Variants in TRDMT1 observed in about 807,000 individuals in gnomAD.
The protein encoded by TRDMT1 is tRNA (cytosine(38)-C(5))-methyltransferase.
A neutral mutation model predicts 51.2 loss-of-function variants in TRDMT1; 49 were observed. The ratio of observed to expected loss-of-function variants is 0.96; its 90% CI spans 0.76 to 1.21. The LOEUF is 1.21. TRDMT1 is among the 50% of genes most tolerant of loss of function. TRDMT1 has a pLI of 0.00. For synonymous variants in TRDMT1, 187 were observed against 164.6 expected, an observed-to-expected ratio of 1.14 and a Z score of -1.04; for missense variants, 534 against 462.3, an observed-to-expected ratio of 1.16 and a Z score of -1.42.
In TRDMT1 at chr10:17,138,780, T is replaced by A. The variant is rs1005297156; in HGVS notation, c.*10260A>T. Among the ~76,000 whole-genome samples the A allele has an allele frequency of 4.6e-5, 7 of 152,014 alleles. No homozygotes were observed. The East Asian group carries it at 9.7e-4, about 21-fold the overall frequency. On this transcript the variant is annotated 3_prime_UTR_variant, in exon 11 of 11. Transcript: ENST00000377799. ...TTCAAGTTTTTTTTTTTAAGTAATA[T>A]AATCCCTTCATAAACAATGAGAAAA...
Position 17,142,288 on chromosome 10 carries a change from A to G in TRDMT1, c.*6752T>C, listed in dbSNP as rs1483023856. 6.6e-6 allele frequency: 1 copy of G among 152,052 alleles called. No individual in the cohort carries two copies. Among genetic ancestry groups the G allele is most frequent in the Non-Finnish European group, 1.5e-5 (1 of 68,014 alleles). 9.4% of individuals were successfully genotyped at this position (152,052 alleles called of 1,614,324 possible). On this transcript the variant is annotated 3_prime_UTR_variant, in exon 11 of 11. Coordinates refer to ENST00000377799, the MANE Select transcript of TRDMT1 (RefSeq NM_004412.7). ...TTTATTTTTAGTAGGCAGTCACTCCATTTGTGTTTAGCATGCAAGCCCTGG... is the reference window on the plus strand; with the variant it reads ...TTTATTTTTAGTAGGCAGTCACTCCGTTTGTGTTTAGCATGCAAGCCCTGG...
chr10:17,177,769 CCTTT>C (rs1842794044), intron 1 of TRDMT1, among the ~76,000 whole-genome samples: 1 of 146,900 alleles, frequency 6.8e-6, no homozygotes, highest in South Asian at 2.2e-4. Flanking sequence ...GCAATACTTT[CCTTT>C]CTTTTTCTGA....
At position 17,138,585 on chromosome 10, in the gene TRDMT1, C is replaced by G. The variant is rs1428045690; in HGVS notation, c.*10455G>C. On this transcript the variant is annotated 3_prime_UTR_variant, in exon 11 of 11. Coordinates refer to ENST00000377799, the MANE Select transcript of TRDMT1 (RefSeq NM_004412.7). ...AGCAGTGTGGTCTTGGCTCAAGGCA[C>G]ATAAAGCAGACATTTGTTCTCCATG... 6.6e-6 allele frequency among the ~76,000 whole-genome samples: 1 copy of G among 152,168 alleles called. No homozygotes were observed.
chr10:17,169,803 C>T (rs963268396), intron 2 of TRDMT1, among the ~76,000 whole-genome samples: 1 of 152,158 alleles, frequency 6.6e-6, no homozygotes, highest in Non-Finnish European at 1.5e-5. Flanking sequence ...GCTTGTCTAT[C>T]AGTTTTTGAT....
chr10:17,177,745 C>CACACACACACAA (rs1233983017), intron 1 of TRDMT1, among the ~76,000 whole-genome samples: 1 of 151,694 alleles, frequency 6.6e-6, no homozygotes, highest in African/African-American at 2.4e-5. Context: ...CACACACACA[C>CACACACACACAA]AGACATTTGA....
At chr10:17,162,678 A>G (rs1840568091) in intron 3 of TRDMT1, among the ~76,000 whole-genome samples, 1 of 152,200 alleles carries the variant, frequency 6.6e-6, no homozygotes, top group African/African-American at 2.4e-5. Context: ...CTCCATCTCT[A>G]TTAAAAATGC....
chr10:17,165,226 A>G (rs955067097), intron 3 of TRDMT1, among the ~76,000 whole-genome samples: 4 of 152,164 alleles, frequency 2.6e-5, no homozygotes, highest in Non-Finnish European at 5.9e-5. Flanking sequence ...CTTATCTACA[A>G]CTATCTGATC....
At position 17,161,570 on chromosome 10, in the gene TRDMT1, G is replaced by C. The variant is rs201971023; in HGVS notation, c.324-22C>G. On this transcript the variant is annotated intron_variant, in intron 4 of 10. Transcript: ENST00000377799. ...TAATCTATAAAAAAATAAACAAATG[G>C]AATTCTAAATATCTCATTACTAAGA... The C allele has an allele frequency of 2.1e-5, 25 of 1,174,128 alleles. No homozygotes were observed. The African/African-American group carries it at 3.9e-4, about 18-fold the overall frequency. The allele number at this position is 1,174,128 out of a possible 1,614,324, so 72.7% of individuals were successfully genotyped here.
intron 1 of TRDMT1, among the ~76,000 whole-genome samples, chr10:17,192,506 C>T (rs1844826861): frequency 6.6e-6 from 1 of 152,230 alleles, no homozygotes; most frequent in Admixed American, 6.5e-5. Flanking sequence ...TCAGCTCCAT[C>T]ACTGCCCTTT....
intron 1 of TRDMT1, among the ~76,000 whole-genome samples, chr10:17,193,164 G>C (rs1844924610): frequency 6.6e-6 from 1 of 152,128 alleles, no homozygotes; most frequent in South Asian, 2.1e-4. Context: ...AGGAGTTCGA[G>C]ACCAGCCTGG....
At chr10:17,169,266 T>C in intron 2 of TRDMT1, 2 of 1,009,238 alleles carry the variant, frequency 2.0e-6, no homozygotes, top group Non-Finnish European at 2.5e-6. Context: ...TTATAATTGA[T>C]AACGTTCATG....
rs1837521250 is a variant in TRDMT1, at chr10:17,139,429, T to C, written c.*9611A>G. On this transcript the variant is annotated 3_prime_UTR_variant, in exon 11 of 11. Transcript: ENST00000377799. ...GGGAAAGTACATCTTTGTGATGATA[T>C]TTTGTGTTCTATTAGGGGAGGAGAG... Among the ~76,000 whole-genome samples, 1 of 152,138 alleles carries C rather than the reference T, an allele frequency of 6.6e-6. No homozygotes were observed. The highest frequency in any genetic ancestry group is 6.5e-5 in the Admixed American group (1 of 15,278).
Position 17,145,058 on chromosome 10 carries a change from T to C in TRDMT1, c.*3982A>G. ...TGAGGTCAGGTGTTCGAGACCAGCC[T>C]GGCCAACATGGTGAAACCCGATCTC... On this transcript the variant is annotated 3_prime_UTR_variant, in exon 11 of 11. Transcript: ENST00000377799. 1 of 796,814 alleles carries C rather than the reference T, an allele frequency of 1.3e-6. No individual in the cohort carries two copies. The highest frequency in any genetic ancestry group is 1.5e-6 in the Non-Finnish European group (1 of 657,992). The allele number at this position is 796,814 out of a possible 1,614,324, so 49.4% of individuals were successfully genotyped here.
intron 1 of TRDMT1, among the ~76,000 whole-genome samples, chr10:17,179,103 A>G (rs1842965764): frequency 6.6e-6 from 1 of 152,196 alleles, no homozygotes; most frequent in Non-Finnish European, 1.5e-5. Flanking sequence ...ATGTTATGTC[A>G]GGTAGTATAA....
chr10:17,159,060 G>T (rs1588526556), intron 7 of TRDMT1, 86 bp downstream of exon 7: 2 of 878,542 alleles, frequency 2.3e-6, no homozygotes, highest in East Asian at 5.8e-5. Context: ...GCTACACAAA[G>T]TAGTTCTTGA....
At chr10:17,156,373 T>A (rs73604273) in intron 8 of TRDMT1, among the ~76,000 whole-genome samples, 4,582 of 152,034 alleles carry the variant, frequency 0.03, 226 homozygotes, top group African/African-American at 0.1. Flanking sequence ...TAGCTGGGAA[T>A]GCAGGCACCC....
chr10:17,192,075 C>T (rs935133274), intron 1 of TRDMT1, among the ~76,000 whole-genome samples: 5 of 151,946 alleles, frequency 3.3e-5, no homozygotes, highest in Admixed American at 6.6e-5. Context: ...ATCCGGGCAG[C>T]GCAAAAATTA....
chr10:17,175,418 A>G (rs1157633906), intron 1 of TRDMT1, among the ~76,000 whole-genome samples: 2 of 152,008 alleles, frequency 1.3e-5, no homozygotes, highest in Non-Finnish European at 2.9e-5. Flanking sequence ...CGAAATTGGA[A>G]CTCCACAATT....
At chr10:17,173,979 G>A (rs1204773346) in intron 2 of TRDMT1, among the ~76,000 whole-genome samples, 1 of 151,962 alleles carries the variant, frequency 6.6e-6, no homozygotes, top group Non-Finnish European at 1.5e-5. Flanking sequence ...CAGCCAGGCT[G>A]GTCTCGAACT....
Sources: gnomAD v4.1 joint callset for allele counts (sites outside exome capture counted in the v4.1 genomes callset) on GRCh38, gnomAD v4.1.1 for gene constraint, MANE v1.5 for transcripts, NCBI Gene and HGNC (gene_info 2026-07-23, HGNC 2026-07-21) for gene names.